ANK2: variants seen among roughly 807,000 people sequenced by gnomAD.
ANK2 encodes ankyrin-2.
Under a neutral mutation model 360.5 loss-of-function variants are expected in ANK2, and 83 were observed. The ratio of observed to expected loss-of-function variants is 0.23; its 90% CI spans 0.19 to 0.28. ANK2 has a LOEUF of 0.28. Ranked by LOEUF, ANK2 falls within the 10% of genes least tolerant of loss-of-function variation. ANK2 has a pLI of 1.00. For synonymous variants in ANK2, 1,740 were observed against 1,759.5 expected (o/e 0.99, Z 0.28); for missense variants, 4,201 against 4,795.7 (o/e 0.88, Z 3.66).
chr4:113,134,281 C>CTTT (rs5861124), intron 1 of ANK2, among the ~76,000 whole-genome samples: 17 of 86,088 alleles, frequency 2.0e-4, no homozygotes, highest in East Asian at 3.4e-4. Flanking sequence ...TGAAAGTTGT[C>CTTT]TTTTTTTTTT....
At chr4:113,376,068 A>T (rs1475607433) in intron 45 of ANK2, among the ~76,000 whole-genome samples, 4 of 152,184 alleles carry the variant, frequency 2.6e-5, no homozygotes, top group Non-Finnish European at 5.9e-5. Context: ...CTTGGTGATG[A>T]CCTTGAGCAG....
chr4:112,781,736 T>G, the ANK2 span, among the ~76,000 whole-genome samples: 1 of 152,084 alleles, frequency 6.6e-6, no homozygotes, highest in Admixed American at 6.6e-5. Flanking sequence ...AAAGTTTACT[T>G]ATAAGTATTT....
At chr4:112,938,894 G>C (rs560186618) in intron 2 of ANK2, among the ~76,000 whole-genome samples, 2 of 152,230 alleles carry the variant, frequency 1.3e-5, no homozygotes, top group Non-Finnish European at 2.9e-5. Context: ...TGACTACTGT[G>C]TCTCCAGAAT....
intron 2 of ANK2, among the ~76,000 whole-genome samples, chr4:112,921,675 A>G (rs1044439268): frequency 6.7e-6 from 1 of 149,178 alleles, no homozygotes; most frequent in African/African-American, 2.5e-5. Context: ...AGAATTTAAA[A>G]TACCATTCTA....
chr4:112,990,374 A>G (rs2046348358), intron 2 of ANK2, among the ~76,000 whole-genome samples: 1 of 152,224 alleles, frequency 6.6e-6, no homozygotes, highest in East Asian at 1.9e-4. Context: ...TAGTCAAGGT[A>G]TAAAAGTCCC....
chr4:113,191,451 T>C (rs2098662294), intron 2 of ANK2, among the ~76,000 whole-genome samples: 1 of 152,186 alleles, frequency 6.6e-6, no homozygotes, highest in South Asian at 2.1e-4. Flanking sequence ...CCAAGCTCCT[T>C]TTACCCATCT....
chr4:112,788,286 T>G, the ANK2 span: 3 of 1,576,116 alleles, frequency 1.9e-6, no homozygotes, highest in South Asian at 3.3e-5. Context: ...GCGACAGTGG[T>G]GCAGGTCTTC....
intron 1 of ANK2, among the ~76,000 whole-genome samples, chr4:113,119,183 T>C (rs2095143696): frequency 6.6e-6 from 1 of 152,134 alleles, no homozygotes; most frequent in African/African-American, 2.4e-5. Context: ...GTAGATATTA[T>C]ATCTAAGCTA....
In ANK2 at chr4:113,317,398, C is replaced by G. The variant is rs751431758; in HGVS notation, c.2694-309C>G. 1.3e-5 allele frequency: 5 copies of G among 396,352 alleles called. No individual in the cohort carries two copies. The Admixed American group carries it at 1.8e-4, about 14-fold the overall frequency. The allele number at this position is 396,352 out of a possible 1,614,324, so 24.6% of individuals were successfully genotyped here. On this transcript the variant is annotated intron_variant, in intron 24 of 45. Transcript: ENST00000357077. ...TTATTTCCTGAGTGAATTTCTGGTA[C>G]TGGCAGTAATAAACTACAGTTGCTG...
upstream of ANK2, among the ~76,000 whole-genome samples, chr4:113,046,345 CAAGTTTAAGT>C (rs1322245810): frequency 4.6e-5 from 7 of 152,190 alleles, 1 homozygote; most frequent in Admixed American, 4.6e-4. Flanking sequence ...GCATTGTATA[CAAGTTTAAGT>C]AATATTTCAG....
intron 4 of ANK2, among the ~76,000 whole-genome samples, chr4:113,215,653 C>G (rs17529760): frequency 0.037 from 5,672 of 152,090 alleles, 127 homozygotes; most frequent in East Asian, 0.067. Flanking sequence ...TTAGAAAAAG[C>G]ATTTGCTACA....
At chr4:113,134,997 A>G (rs146541807) in intron 1 of ANK2, among the ~76,000 whole-genome samples, 55 of 152,328 alleles carry the variant, frequency 3.6e-4, no homozygotes, top group African/African-American at 1.3e-3. Context: ...CAGTTAGCAT[A>G]TATCTGAATT....
chr4:112,995,806 G>A (rs1014192917), intron 2 of ANK2, among the ~76,000 whole-genome samples: 6 of 152,016 alleles, frequency 3.9e-5, no homozygotes, highest in African/African-American at 7.2e-5. Flanking sequence ...TCTTTCTAGC[G>A]GACATCAGGA....
At chr4:112,775,272 A>T in the ANK2 span, among the ~76,000 whole-genome samples, 4 of 152,108 alleles carry the variant, frequency 2.6e-5, no homozygotes, top group Non-Finnish European at 4.4e-5. Context: ...TAATCCCAGC[A>T]CTTTTGGAGG....
chr4:113,283,153 T>C (rs766065010), intron 18 of ANK2, among the ~76,000 whole-genome samples: 4 of 152,202 alleles, frequency 2.6e-5, no homozygotes, highest in Admixed American at 1.3e-4. Flanking sequence ...TGCTTTTCTC[T>C]GTGTGTCTAA....
chr4:113,149,426 A>T (rs575621101), intron 1 of ANK2, among the ~76,000 whole-genome samples: 1 of 152,294 alleles, frequency 6.6e-6, no homozygotes, highest in African/African-American at 2.4e-5. Flanking sequence ...TGTCTTCCGT[A>T]AAAGTTTTAT....
At chr4:113,364,942 C>A in intron 40 of ANK2, 97 bp from the exon 41 acceptor site, 1 of 1,446,878 alleles carries the variant, frequency 6.9e-7, no homozygotes, top group Non-Finnish European at 9.6e-7. Context: ...TTGTTTTTTT[C>A]TGTACAGATA....
chr4:112,886,877 G>C (rs1192563568), intron 1 of ANK2, among the ~76,000 whole-genome samples: 1 of 152,134 alleles, frequency 6.6e-6, no homozygotes, highest in Non-Finnish European at 1.5e-5. Flanking sequence ...AGTGGAATGA[G>C]ACCTACAATC....
chr4:113,231,246 G>A (rs1328235474), intron 4 of ANK2, among the ~76,000 whole-genome samples: 1 of 151,846 alleles, frequency 6.6e-6, no homozygotes, highest in Non-Finnish European at 1.5e-5. Flanking sequence ...TAGAGACAGG[G>A]TTTCACCATA....
Sources: allele counts gnomAD v4.1 joint callset (sites outside exome capture counted in the v4.1 genomes callset), GRCh38; gene constraint gnomAD v4.1.1; transcripts MANE v1.5; gene names NCBI Gene and HGNC (gene_info 2026-07-23, HGNC 2026-07-21).